Variants in HS6ST3 observed in about 807,000 individuals in gnomAD.
HS6ST3 encodes the protein heparan-sulfate 6-O-sulfotransferase 3.
In HS6ST3, 12 loss-of-function variants were observed where a neutral mutation model predicts 36.7. The observed-to-expected ratio is 0.33, with a 90% confidence interval of 0.21 to 0.53. HS6ST3 has a LOEUF of 0.53. Ranked by LOEUF, HS6ST3 falls within the 20% of genes least tolerant of loss-of-function variation. The pLI is 0.95. For missense variants in HS6ST3, 584 were observed against 640.9 expected (o/e 0.91, Z 0.96); for synonymous variants, 240 against 257.5 (o/e 0.93, Z 0.65).
intron 1 of HS6ST3, among the ~76,000 whole-genome samples, chr13:96,092,112 C>T (rs2053767998): frequency 6.6e-6 from 1 of 152,182 alleles, no homozygotes; most frequent in Admixed American, 6.5e-5. Flanking sequence ...ACTTTGAAGA[C>T]ACACGTGCAA....
At chr13:96,164,218 G>A (rs1472672147) in intron 1 of HS6ST3, among the ~76,000 whole-genome samples, 1 of 152,078 alleles carries the variant, frequency 6.6e-6, no homozygotes, top group African/African-American at 2.4e-5. Flanking sequence ...TGTATATAAA[G>A]CATTCTTCAA....
chr13:96,317,350 A>AAAAT (rs1481841716), intron 1 of HS6ST3, among the ~76,000 whole-genome samples: 1,186 of 83,478 alleles, frequency 0.014, 27 homozygotes, highest in African/African-American at 0.051. Context: ...ATATATATAT[A>AAAAT]TATATATATA....
At chr13:96,783,683 A>C (rs556433725) in intron 1 of HS6ST3, among the ~76,000 whole-genome samples, 2 of 151,652 alleles carry the variant, frequency 1.3e-5, no homozygotes, top group African/African-American at 4.8e-5. Flanking sequence ...AGGCAATTTG[A>C]GACAATATAA....
chr13:96,832,822 A>C lies in HS6ST3; in HGVS notation c.1040A>C (p.Asn347Thr). The C allele has an allele frequency of 6.2e-7, 1 of 1,614,198 alleles. No homozygotes were observed. The highest frequency in any genetic ancestry group is 1.3e-5 in the African/African-American group (1 of 75,056). ...LLQSAKNNLK[N>T]MAFFGLTEFQ... ...CAGAGTGCAAAGAACAACCTGAAGA[A>C]CATGGCCTTCTTTGGGCTCACTGAG... is the stretch of plus-strand genomic sequence containing the variant. Residue 347 changes from asparagine to threonine, a missense_variant, in exon 2 of 2, where the codon AAC (asparagine) becomes ACC (threonine). Asn to Thr is a moderately conservative substitution (Grantham distance 65). Transcript: ENST00000376705.
At chr13:96,505,242 A>G (rs1388124342) in intron 1 of HS6ST3, among the ~76,000 whole-genome samples, 1 of 152,190 alleles carries the variant, frequency 6.6e-6, no homozygotes, top group South Asian at 2.1e-4. Flanking sequence ...CATCAAAAAC[A>G]TGCAAGAAAA....
intron 1 of HS6ST3, among the ~76,000 whole-genome samples, chr13:96,377,516 G>T (rs2055320689): frequency 6.6e-6 from 1 of 152,110 alleles, no homozygotes; most frequent in Admixed American, 6.6e-5. Flanking sequence ...AGATCTTCTA[G>T]ACATAGTTAT....
chr13:96,126,161 C>A (rs943195097), intron 1 of HS6ST3, among the ~76,000 whole-genome samples: 6 of 152,176 alleles, frequency 3.9e-5, no homozygotes, highest in African/African-American at 1.4e-4. Context: ...GACCATTAAT[C>A]CCTTAGTCCT....
At chr13:96,503,082 T>C (rs2056011901) in intron 1 of HS6ST3, among the ~76,000 whole-genome samples, 1 of 152,180 alleles carries the variant, frequency 6.6e-6, no homozygotes, top group Non-Finnish European at 1.5e-5. Flanking sequence ...TTTAGTGAGC[T>C]TCATTTTGTG....
intron 1 of HS6ST3, among the ~76,000 whole-genome samples, chr13:96,118,396 T>C (rs926788692): frequency 6.6e-6 from 1 of 151,990 alleles, no homozygotes; most frequent in Non-Finnish European, 1.5e-5. Flanking sequence ...AACATTTTGA[T>C]CTTGGACTTC....
At chr13:96,728,512 G>A (rs1392224486) in intron 1 of HS6ST3, among the ~76,000 whole-genome samples, 3 of 152,094 alleles carry the variant, frequency 2.0e-5, no homozygotes, top group Admixed American at 6.5e-5. Flanking sequence ...GTCTATTCCC[G>A]AACATTGTCT....
intron 1 of HS6ST3, among the ~76,000 whole-genome samples, chr13:96,302,017 C>T (rs977567922): frequency 4.6e-5 from 7 of 151,136 alleles, no homozygotes; most frequent in Non-Finnish European, 7.4e-5. Flanking sequence ...AATATGATAG[C>T]ATTAAGCTAA....
chr13:96,206,692 A>C (rs2054372112), intron 1 of HS6ST3, among the ~76,000 whole-genome samples: 1 of 152,238 alleles, frequency 6.6e-6, no homozygotes, highest in African/African-American at 2.4e-5. Context: ...AAATCTGACA[A>C]AAACAAGCAA....
chr13:96,152,498 C>T (rs1319810595), intron 1 of HS6ST3, among the ~76,000 whole-genome samples: 1 of 151,880 alleles, frequency 6.6e-6, no homozygotes, highest in Non-Finnish European at 1.5e-5. Context: ...CCACCACGCC[C>T]GGCTAATTTT....
chr13:96,810,127 C>G (rs562891588), intron 1 of HS6ST3, among the ~76,000 whole-genome samples: 1 of 152,224 alleles, frequency 6.6e-6, no homozygotes, highest in South Asian at 2.1e-4. Context: ...TGGTTTAGAC[C>G]CAGAGGCCGC....
At chr13:96,406,732 T>C (rs578246914) in intron 1 of HS6ST3, among the ~76,000 whole-genome samples, 5 of 152,118 alleles carry the variant, frequency 3.3e-5, no homozygotes, top group Admixed American at 3.3e-4. Flanking sequence ...TAAATAGGGG[T>C]GGGGAGAATG....
At chr13:96,578,972 G>A (rs140592365) in intron 1 of HS6ST3, among the ~76,000 whole-genome samples, 1 of 152,196 alleles carries the variant, frequency 6.6e-6, no homozygotes, top group African/African-American at 2.4e-5. Context: ...AATTGTCCTT[G>A]TTTTACATTA....
chr13:96,721,083 T>C (rs1316594001), intron 1 of HS6ST3, among the ~76,000 whole-genome samples: 1 of 152,190 alleles, frequency 6.6e-6, no homozygotes, highest in African/African-American at 2.4e-5. Context: ...GTGGCAAAGT[T>C]TTAAATTCTT....
chr13:96,596,764 G>A (rs185799489), intron 1 of HS6ST3, among the ~76,000 whole-genome samples: 1 of 152,276 alleles, frequency 6.6e-6, no homozygotes, highest in East Asian at 1.9e-4. Context: ...TATTGTGGAA[G>A]ACAGTGTGGT....
intron 1 of HS6ST3, among the ~76,000 whole-genome samples, chr13:96,128,014 T>C (rs1007556896): frequency 2.0e-5 from 3 of 152,156 alleles, no homozygotes; most frequent in Non-Finnish European, 4.4e-5. Context: ...TCTGAGTCAG[T>C]GTGATTGGAA....
Sources: gnomAD v4.1 joint callset for allele counts (sites outside exome capture counted in the v4.1 genomes callset) on GRCh38, gnomAD v4.1.1 for gene constraint, MANE v1.5 for transcripts, NCBI Gene and HGNC (gene_info 2026-07-23, HGNC 2026-07-21) for gene names.